Variants in CNTNAP5 observed in about 807,000 individuals in gnomAD.
CNTNAP5 encodes contactin associated protein family member 5, also known as contactin-associated protein-like 5.
In CNTNAP5, 72 loss-of-function variants were observed where a neutral mutation model predicts 150.2. The observed-to-expected ratio is 0.48, with a 90% CI of 0.40 to 0.58. The LOEUF (loss-of-function observed/expected upper bound fraction) is 0.58. Among genes scored for constraint, CNTNAP5 ranks in the 20% least tolerant of loss-of-function variants. The pLI, the probability that CNTNAP5 is intolerant of heterozygous loss-of-function variation, is 0.00. For missense variants in CNTNAP5, 1,636 were observed against 1,626.2 expected (o/e 1.01, Z -0.10); for synonymous variants, 672 against 619.8 (o/e 1.08, Z -1.25).
At chr2:124,502,904 T>A (rs6707121) in intron 7 of CNTNAP5, among the ~76,000 whole-genome samples, 70,737 of 151,992 alleles carry the variant, frequency 0.47, 16,577 homozygotes, top group Middle Eastern at 0.58. Context: ...ACTAGGCACA[T>A]GGCTTTTGCT....
chr2:124,614,135 A>G (rs1677446651), intron 12 of CNTNAP5, among the ~76,000 whole-genome samples: 3 of 152,218 alleles, frequency 2.0e-5, no homozygotes, highest in African/African-American at 7.2e-5. Context: ...CATTGTGGGC[A>G]CTGTGAAAGT....
At chr2:124,612,187 C>T (rs993753646) in intron 12 of CNTNAP5, among the ~76,000 whole-genome samples, 3 of 152,118 alleles carry the variant, frequency 2.0e-5, no homozygotes, top group Non-Finnish European at 4.4e-5. Flanking sequence ...TTAAAGCCAA[C>T]TGTAATCCGC....
intron 21 of CNTNAP5, among the ~76,000 whole-genome samples, chr2:124,873,831 A>G (rs12711693): frequency 0.41 from 61,953 of 151,920 alleles, 14,903 homozygotes; most frequent in East Asian, 0.84. Context: ...AGATATGAAA[A>G]GAAAACATAC....
At chr2:124,160,991 TA>T (rs925603231) in intron 1 of CNTNAP5, among the ~76,000 whole-genome samples, 15 of 152,088 alleles carry the variant, frequency 9.9e-5, no homozygotes, top group African/African-American at 3.6e-4. Context: ...ATAATGCAAT[TA>T]AAAAATGCAT....
chr2:124,647,641 T>A (rs748081710), intron 12 of CNTNAP5, 117 bp from the exon 13 acceptor site: 2 of 869,062 alleles, frequency 2.3e-6, no homozygotes, highest in Non-Finnish European at 3.5e-6. Flanking sequence ...CTACTCTCCA[T>A]ACGGTACCGG....
chr2:124,135,565 T>C (rs570619245), intron 1 of CNTNAP5, among the ~76,000 whole-genome samples: 3 of 152,326 alleles, frequency 2.0e-5, no homozygotes, highest in Admixed American at 2.0e-4. Flanking sequence ...GAACTTACAT[T>C]AATCAAACAA....
At chr2:124,726,437 T>C (rs954640332) in intron 13 of CNTNAP5, among the ~76,000 whole-genome samples, 4 of 152,106 alleles carry the variant, frequency 2.6e-5, no homozygotes, top group Non-Finnish European at 5.9e-5. Context: ...ATGTAAGATG[T>C]GCCTTGCTTC....
At chr2:124,299,126 T>A (rs1158902200) in intron 3 of CNTNAP5, among the ~76,000 whole-genome samples, 1 of 152,146 alleles carries the variant, frequency 6.6e-6, no homozygotes, top group East Asian at 1.9e-4. Flanking sequence ...TGCTAGTATA[T>A]GCTTCCCACA....
At chr2:124,515,429 T>C (rs1455891598) in intron 8 of CNTNAP5, among the ~76,000 whole-genome samples, 1 of 152,172 alleles carries the variant, frequency 6.6e-6, no homozygotes, top group Non-Finnish European at 1.5e-5. Flanking sequence ...GATCAGACAG[T>C]GGATGCTATA....
Position 124,824,548 on chromosome 2 carries a change from T to C in CNTNAP5, c.3217+26228T>C, listed in dbSNP as rs557274940. ...AGAGATCAGGGGAGGCTTCACTCAG[T>C]AATGGCATCTGGTGAAGGTTAGCAT... On this transcript the variant is annotated intron_variant, in intron 19 of 23. Coordinates refer to ENST00000682447, the MANE Select transcript of CNTNAP5 (RefSeq NM_001367498.1). Among the ~76,000 whole-genome samples, 3 of 152,236 alleles carry C rather than the reference T, an allele frequency of 2.0e-5. No homozygotes were observed. In the South Asian group the frequency reaches 6.2e-4, roughly 32 times the overall value.
At chr2:124,847,263 C>A (rs545595505) in intron 19 of CNTNAP5, among the ~76,000 whole-genome samples, 1 of 152,150 alleles carries the variant, frequency 6.6e-6, no homozygotes, top group African/African-American at 2.4e-5. Context: ...TGAGTTCAGC[C>A]TCTCTTTGGG....
intron 6 of CNTNAP5, among the ~76,000 whole-genome samples, chr2:124,458,419 T>A: frequency 6.6e-6 from 1 of 151,354 alleles, no homozygotes. Flanking sequence ...AACTCAGGAA[T>A]GGAAAACCAA....
intron 1 of CNTNAP5, among the ~76,000 whole-genome samples, chr2:124,041,396 C>G (rs527997486): frequency 2.9e-4 from 44 of 152,162 alleles, no homozygotes; most frequent in Non-Finnish European, 5.4e-4. Context: ...ATTTTACACA[C>G]CATCCACTGC....
chr2:124,281,859 C>T (rs1558832979), intron 3 of CNTNAP5, among the ~76,000 whole-genome samples: 3 of 152,192 alleles, frequency 2.0e-5, no homozygotes, highest in Admixed American at 6.5e-5. Context: ...ACAGCAATCT[C>T]TTTCTGTAAC....
chr2:124,795,093 C>T (rs961962036), intron 18 of CNTNAP5, among the ~76,000 whole-genome samples: 1 of 152,184 alleles, frequency 6.6e-6, no homozygotes, highest in African/African-American at 2.4e-5. Context: ...AATTCTACTA[C>T]TATTATTAAA....
intron 21 of CNTNAP5, among the ~76,000 whole-genome samples, chr2:124,902,473 G>A (rs1678433608): frequency 6.6e-6 from 1 of 152,070 alleles, no homozygotes. Flanking sequence ...GTGAAGTGTT[G>A]TAATGAACAT....
chr2:124,230,191 G>C (rs1384729279), intron 2 of CNTNAP5, among the ~76,000 whole-genome samples: 1 of 152,110 alleles, frequency 6.6e-6, no homozygotes, highest in African/African-American at 2.4e-5. Flanking sequence ...GGCAGTACTT[G>C]TTACAAATTG....
chr2:124,805,634 C>T (rs1398307922), intron 19 of CNTNAP5, among the ~76,000 whole-genome samples: 2 of 152,182 alleles, frequency 1.3e-5, no homozygotes, highest in African/African-American at 4.8e-5. Context: ...ACTCTACAAA[C>T]ATCTGTTTAA....
At chr2:124,305,659 A>C (rs529365880) in intron 3 of CNTNAP5, among the ~76,000 whole-genome samples, 1 of 152,210 alleles carries the variant, frequency 6.6e-6, no homozygotes, top group East Asian at 1.9e-4. Flanking sequence ...TGTTATTTCA[A>C]GTGTGACCTT....
Sources: allele counts gnomAD v4.1 joint callset (sites outside exome capture counted in the v4.1 genomes callset), GRCh38; gene constraint gnomAD v4.1.1; transcripts MANE v1.5; gene names NCBI Gene and HGNC (gene_info 2026-07-23, HGNC 2026-07-21).